NALF1: variants seen among roughly 807,000 people sequenced by gnomAD.
NALF1 encodes NALCN channel auxiliary factor 1, also known as family with sequence similarity 155 member A.
In NALF1, 3 loss-of-function variants were observed where a neutral mutation model predicts 48.4. The observed-to-expected ratio is 0.06, with a 90% confidence interval of 0.03 to 0.16. NALF1 has a LOEUF of 0.16. NALF1 is among the 10% of genes least tolerant of loss of function. The pLI is 1.00. For missense variants in NALF1, 526 were observed against 571.5 expected (o/e 0.92, Z 0.81); for synonymous variants, 262 against 245.7 (o/e 1.07, Z -0.62).
chr13:107,248,903 CA>C (rs952430875), intron 1 of NALF1, among the ~76,000 whole-genome samples: 24 of 143,968 alleles, frequency 1.7e-4, no homozygotes, highest in South Asian at 2.1e-4. Flanking sequence ...ACAGACAATT[CA>C]AAAAAAATTT....
At chr13:107,840,659 C>T (rs573886109) in intron 1 of NALF1, among the ~76,000 whole-genome samples, 3 of 152,248 alleles carry the variant, frequency 2.0e-5, no homozygotes, top group South Asian at 2.1e-4. Flanking sequence ...TTCTATTCCT[C>T]GACAGTGAAG....
chr13:107,399,455 T>TACTC (rs1555298254), intron 1 of NALF1, among the ~76,000 whole-genome samples: 41 of 151,066 alleles, frequency 2.7e-4, no homozygotes, highest in Admixed American at 1.9e-3. Context: ...CACATTCACG[T>TACTC]ACACACACAC....
chr13:107,648,982 T>C (rs959694028), intron 1 of NALF1, among the ~76,000 whole-genome samples: 2 of 152,188 alleles, frequency 1.3e-5, no homozygotes, highest in Admixed American at 1.3e-4. Context: ...AATATTTTCT[T>C]TGGTGAGGAG....
At chr13:107,217,777 G>A (rs1382435734) in intron 1 of NALF1, among the ~76,000 whole-genome samples, 3 of 152,102 alleles carry the variant, frequency 2.0e-5, no homozygotes, top group African/African-American at 7.2e-5. Flanking sequence ...ACTGACACCA[G>A]TGCTGCTCGC....
At chr13:107,538,204 T>C (rs1047672620) in intron 1 of NALF1, among the ~76,000 whole-genome samples, 1 of 152,160 alleles carries the variant, frequency 6.6e-6, no homozygotes, top group Non-Finnish European at 1.5e-5. Context: ...GTGCCATATA[T>C]TCCAATCAAG....
chr13:107,604,355 C>A (rs1566411441), intron 1 of NALF1, among the ~76,000 whole-genome samples: 1 of 152,030 alleles, frequency 6.6e-6, no homozygotes, highest in Admixed American at 6.6e-5. Context: ...CTTTTTCCCC[C>A]TTTCTTTCTA....
intron 1 of NALF1, among the ~76,000 whole-genome samples, chr13:107,307,978 T>A (rs537591161): frequency 9.9e-5 from 15 of 152,232 alleles, no homozygotes; most frequent in Admixed American, 8.5e-4. Context: ...TAAATTGTGA[T>A]GTAATTTACA....
At chr13:107,745,905 T>G (rs2138548108) in intron 1 of NALF1, among the ~76,000 whole-genome samples, 1 of 152,300 alleles carries the variant, frequency 6.6e-6, no homozygotes, top group Non-Finnish European at 1.5e-5. Context: ...AGACAACTCA[T>G]TTGTGACAAT....
intron 1 of NALF1, among the ~76,000 whole-genome samples, chr13:107,551,753 C>T (rs1877301075): frequency 6.6e-6 from 1 of 152,024 alleles, no homozygotes; most frequent in Non-Finnish European, 1.5e-5. Flanking sequence ...TTTCTTAAAC[C>T]TCTCTCCATA....
chr13:107,645,680 C>CAAAAAAAAAAAAAAAAAAAAA, intron 1 of NALF1, among the ~76,000 whole-genome samples: 1 of 132,502 alleles, frequency 7.5e-6, no homozygotes, highest in Non-Finnish European at 1.6e-5. Flanking sequence ...TACTGGGAGA[C>CAAAAAAAAAAAAAAAAAAAAA]AAAAAAAAAA....
chr13:107,791,866 A>G (rs1033205726), intron 1 of NALF1, among the ~76,000 whole-genome samples: 4 of 151,964 alleles, frequency 2.6e-5, no homozygotes, highest in Non-Finnish European at 2.9e-5. Flanking sequence ...AGCCTGAGGC[A>G]GAAGAATTGC....
chr13:107,536,873 T>C (rs902376478), intron 1 of NALF1, among the ~76,000 whole-genome samples: 2 of 152,148 alleles, frequency 1.3e-5, no homozygotes, highest in African/African-American at 4.8e-5. Context: ...ATGTGGCACA[T>C]ATACACCATG....
At chr13:107,174,359 A>ATTTT (rs555073785) in intron 2 of NALF1, among the ~76,000 whole-genome samples, 2 of 141,298 alleles carry the variant, frequency 1.4e-5, no homozygotes, top group Non-Finnish European at 3.1e-5. Context: ...TTATTTATTT[A>ATTTT]TTTATTTTTT....
chr13:107,825,362 G>A (rs111548334), intron 1 of NALF1, among the ~76,000 whole-genome samples: 5 of 152,108 alleles, frequency 3.3e-5, no homozygotes, highest in African/African-American at 9.7e-5. Flanking sequence ...TTTGATTGGT[G>A]AAATGACATT....
At chr13:107,497,911 A>G (rs1162676579) in intron 1 of NALF1, among the ~76,000 whole-genome samples, 2 of 152,216 alleles carry the variant, frequency 1.3e-5, no homozygotes, top group East Asian at 3.8e-4. Flanking sequence ...GCATGCAGAT[A>G]AAGTCAATAA....
At chr13:107,522,267 G>A (rs1876269480) in intron 1 of NALF1, among the ~76,000 whole-genome samples, 1 of 152,024 alleles carries the variant, frequency 6.6e-6, no homozygotes, top group African/African-American at 2.4e-5. Flanking sequence ...CTACGCCACT[G>A]AAACAAACAC....
At chr13:107,268,076 TC>T (rs1196761615) in intron 1 of NALF1, among the ~76,000 whole-genome samples, 1 of 145,952 alleles carries the variant, frequency 6.9e-6, no homozygotes, top group African/African-American at 2.5e-5. Context: ...AACCTCCGCT[TC>T]CCAGGTTCAA....
intron 2 of NALF1, among the ~76,000 whole-genome samples, chr13:107,183,846 G>C (rs547179667): frequency 2.2e-4 from 33 of 152,274 alleles, no homozygotes; most frequent in African/African-American, 7.7e-4. Context: ...CCTGTCGAGG[G>C]GAGGAGGGCT....
intron 1 of NALF1, among the ~76,000 whole-genome samples, chr13:107,658,625 A>G (rs1880648071): frequency 6.6e-6 from 1 of 152,030 alleles, no homozygotes; most frequent in African/African-American, 2.4e-5. Flanking sequence ...ACTTTAAATT[A>G]TTATATTTCT....
Sources: gnomAD v4.1 joint callset for allele counts (sites outside exome capture counted in the v4.1 genomes callset) on GRCh38, gnomAD v4.1.1 for gene constraint, MANE v1.5 for transcripts, NCBI Gene and HGNC (gene_info 2026-07-23, HGNC 2026-07-21) for gene names.